The following USF3 variants were observed in gnomAD, a reference collection of about 807,000 sequenced individuals.
USF3 encodes the protein upstream transcription factor family member 3, also known as basic helix-loop-helix domain-containing protein USF3.
Under a neutral mutation model 157.5 loss-of-function variants are expected in USF3, and 29 were observed. The ratio of observed to expected loss-of-function variants is 0.18; its 90% CI spans 0.14 to 0.25. USF3 has a LOEUF of 0.25. USF3 is among the 10% of genes least tolerant of loss of function. The pLI is 1.00. For synonymous variants in USF3, 893 were observed against 941.4 expected, an observed-to-expected ratio of 0.95 and a Z score of 0.94; for missense variants, 2,381 against 2,667.6, an observed-to-expected ratio of 0.89 and a Z score of 2.37.
At chr3:113,662,168 A>C (rs76325115) in intron 6 of USF3, among the ~76,000 whole-genome samples, 2,341 of 152,320 alleles carry the variant, frequency 0.015, 50 homozygotes, top group African/African-American at 0.039. Flanking sequence ...TTATAAATCA[A>C]TTTAGTTTCT....
At chr3:113,680,914 T>C (rs1413902003) in intron 1 of USF3, among the ~76,000 whole-genome samples, 1 of 152,212 alleles carries the variant, frequency 6.6e-6, no homozygotes, top group Admixed American at 6.5e-5. Context: ...TTGAGTTTGG[T>C]TTGATACTGC....
intron 6 of USF3, among the ~76,000 whole-genome samples, chr3:113,662,970 T>A (rs1023827517): frequency 6.6e-6 from 1 of 151,122 alleles, no homozygotes; most frequent in African/African-American, 2.4e-5. Context: ...GCTAAGTAAC[T>A]GACCAAAGGG....
chr3:113,680,053 C>CTTTTT (rs71131103), intron 1 of USF3, among the ~76,000 whole-genome samples: 1,155 of 57,942 alleles, frequency 0.02, 4 homozygotes, highest in African/African-American at 0.021. Context: ...CTGTAGTTTT[C>CTTTTT]TTTTTTTTTT....
chr3:113,669,896 G>C (rs1246470131), intron 5 of USF3, among the ~76,000 whole-genome samples: 1 of 152,180 alleles, frequency 6.6e-6, no homozygotes, highest in Non-Finnish European at 1.5e-5. Flanking sequence ...TAGTAATCAA[G>C]AGAAATCTGA....
At chr3:113,679,702 C>T (rs1707367049) in intron 1 of USF3, among the ~76,000 whole-genome samples, 1 of 152,168 alleles carries the variant, frequency 6.6e-6, no homozygotes, top group African/African-American at 2.4e-5. Context: ...GCATAAGCCA[C>T]CACGCCCAGC....
chr3:113,663,967 A>T (rs781725092), intron 6 of USF3, among the ~76,000 whole-genome samples: 1 of 152,086 alleles, frequency 6.6e-6, no homozygotes, highest in Non-Finnish European at 1.5e-5. Context: ...ACTGAGCAGA[A>T]CTCCCCCCTT....
rs1400889815 is a variant in USF3, at chr3:113,648,883, A to AATAT, written c.*6057_*6060dup. On this transcript the variant is annotated 3_prime_UTR_variant, in exon 7 of 7. Coordinates refer to ENST00000316407, the MANE Select transcript of USF3 (RefSeq NM_001009899.4). ...TTCAACTTTTTTTTACCAAAGTGAA[A>AATAT]ATATATATATATATGTATATATATT... The AATAT allele has an allele frequency of 6.6e-6, 1 of 151,226 alleles. No individual in the cohort carries two copies. The highest frequency in any genetic ancestry group is 2.4e-5 in the African/African-American group (1 of 41,092). 9.4% of individuals were successfully genotyped at this position (151,226 alleles called of 1,614,324 possible).
At position 113,673,310 on chromosome 3, in the gene USF3, C is replaced by CA. The variant is rs773060487; in HGVS notation, c.76+37dup. 19 of 1,479,276 alleles carry CA rather than the reference C, an allele frequency of 1.3e-5. No homozygotes were observed. In the South Asian group the frequency reaches 1.4e-4, roughly 11 times the overall value. The allele number at this position is 1,479,276 out of a possible 1,614,324, so 91.6% of individuals were successfully genotyped here. On this transcript the variant is annotated intron_variant, in intron 4 of 6. Coordinates refer to ENST00000316407, the MANE Select transcript of USF3 (RefSeq NM_001009899.4). ...CTGCAGTATGATTTCATTTTGAATG[C>CA]AAAAAATGCTAACAGGTAAAATTTA...
rs1947292958 is a variant in USF3 at position 113,653,098 on chromosome 3, G to A, written c.*1846C>T. 4.6e-6 allele frequency: 1 copy of A among 215,894 alleles called. No individual in the cohort carries two copies. The highest frequency in any genetic ancestry group is 9.1e-6 in the Non-Finnish European group (1 of 110,470). 13.4% of individuals were successfully genotyped at this position (215,894 alleles called of 1,614,324 possible). On this transcript the variant is annotated 3_prime_UTR_variant, in exon 7 of 7. Coordinates refer to ENST00000316407, the MANE Select transcript of USF3 (RefSeq NM_001009899.4). Reference sequence around the variant, plus strand: ...AAAGAAAAGAAAAGCTGGTCCTTGAGTTCACTTTGTTAACAAGGCAGATAA... The same window carrying A: ...AAAGAAAAGAAAAGCTGGTCCTTGAATTCACTTTGTTAACAAGGCAGATAA...
chr3:113,661,614 C>A (rs1175069033), intron 6 of USF3, among the ~76,000 whole-genome samples, 189 bp from the exon 7 acceptor site: 2 of 152,008 alleles, frequency 1.3e-5, no homozygotes, highest in African/African-American at 4.8e-5. Context: ...AATCCCTATG[C>A]CCTCCTTTAA....
chr3:113,686,048 C>A (rs1262004985), intron 1 of USF3, among the ~76,000 whole-genome samples: 1 of 152,154 alleles, frequency 6.6e-6, no homozygotes. Flanking sequence ...TGGCTCCAAG[C>A]CCAGTGCAGC....
Position 113,658,459 on chromosome 3 carries a change from T to G in USF3, c.3223A>C (p.Asn1075His), listed in dbSNP as rs371318431. 18 of 1,614,120 alleles carry G rather than the reference T, an allele frequency of 1.1e-5. No homozygotes were observed. Among genetic ancestry groups the G allele is most frequent in the Non-Finnish European group, 1.4e-5 (17 of 1,180,008 alleles). ...TGTCTACCGTTGATCAAAGAACCAT[T>G]AATAACCTCTTGATCAGGGAGGCAG... Reference protein sequence around the residue: ...HSCLPDQEVINGSLINGRQAD... With the variant: ...HSCLPDQEVIHGSLINGRQAD... Residue 1075 changes from asparagine to histidine, a missense_variant, in exon 7 of 7, where the codon AAT (asparagine) becomes CAT (histidine). This residue lies in a region of USF3 where 1,435 missense variants were observed against 1,550.9 expected (regional missense o/e 0.93). Transcript: ENST00000316407.
rs998914963 is a variant in USF3 at position 113,696,620 on chromosome 3, G to T, written c.-385C>A. 1 of 150,886 alleles carries T rather than the reference G, an allele frequency of 6.6e-6. No individual in the cohort carries two copies. The highest frequency in any genetic ancestry group is 1.5e-5 in the Non-Finnish European group (1 of 67,692). The allele number at this position is 150,886 out of a possible 1,614,324, so 9.3% of individuals were successfully genotyped here. Reference sequence around the variant, plus strand: ...GAGCCCTCAAGGCCGGAGACCCGGCGGCAGCGCGGCCTCAACTTTCCCAGC... The same window carrying T: ...GAGCCCTCAAGGCCGGAGACCCGGCTGCAGCGCGGCCTCAACTTTCCCAGC... On this transcript the variant is annotated 5_prime_UTR_variant, in exon 1 of 7. Coordinates refer to ENST00000316407, the MANE Select transcript of USF3 (RefSeq NM_001009899.4).
rs776936136 is a variant in USF3, at chr3:113,656,122, T to C, written c.5560A>G (p.Ile1854Val). Residue 1854 changes from isoleucine (I) to valine (V), a missense_variant, in exon 7 of 7, where the codon ATT becomes GTT. Physicochemically the swap from Ile to Val is conservative, Grantham distance 29. Coordinates refer to ENST00000316407, the MANE Select transcript of USF3 (RefSeq NM_001009899.4). The part of the protein sequence containing the change: ...RNTQCGPSSA[I>V]EYNCPPTHEN... ...TGAGTTGGGGGACAATTATATTCAA[T>C]TGCAGAGGATGGACCACACTGTGTA... 1.3e-5 allele frequency: 21 copies of C among 1,614,066 alleles called. No homozygotes were observed. The highest frequency in any genetic ancestry group is 1.1e-5 in the South Asian group (1 of 91,086).
Position 113,655,870 on chromosome 3 carries a change from G to A in USF3, c.5812C>T (p.Pro1938Ser). Residue 1938 changes from proline to serine, a missense_variant, in exon 7 of 7, where the codon CCA (proline) becomes TCA (serine). This residue lies in a region of USF3 where 770 missense variants were observed against 824.2 expected (regional missense o/e 0.93). Transcript: ENST00000316407. ...ACCCCATGCATGTTGGTTGTGACTG[G>A]AGGGTTCATGTGGCCCTTGGTGGCA... is the stretch of plus-strand genomic sequence containing the variant. ...SHATKGHMNP[P>S]VTTNMHGVAR... 6.2e-7 allele frequency: 1 copy of A among 1,614,176 alleles called. No individual in the cohort carries two copies. Among genetic ancestry groups the A allele is most frequent in the Non-Finnish European group, 8.5e-7 (1 of 1,180,030 alleles).
At position 113,658,226 on chromosome 3, in the gene USF3, G is replaced by A; in HGVS notation, c.3456C>T (p.Gly1152=). The A allele has an allele frequency of 6.2e-7, 1 of 1,614,028 alleles. No homozygotes were observed. Among genetic ancestry groups the A allele is most frequent in the South Asian group, 1.1e-5 (1 of 91,082 alleles). The change falls in exon 7 of 7, where the codon GGC becomes GGT. Residue 1152 remains glycine, a synonymous_variant. Coordinates refer to ENST00000316407, the MANE Select transcript of USF3 (RefSeq NM_001009899.4). The part of the protein sequence containing the change: ...DQENLEKGRV[G]LQADIREVAS... ...CAACTTCCCTTATATCAGCCTGGAG[G>A]CCAACTCTCCCCTTCTCAAGGTTCT...
intron 4 of USF3, among the ~76,000 whole-genome samples, chr3:113,670,996 C>T (rs188949430): frequency 5.3e-4 from 80 of 152,246 alleles, no homozygotes; most frequent in African/African-American, 1.9e-3. Context: ...CTGCCCACCT[C>T]AGTCTCCCAA....
At chr3:113,672,130 T>G (rs1388605683) in intron 4 of USF3, among the ~76,000 whole-genome samples, 1 of 150,750 alleles carries the variant, frequency 6.6e-6, no homozygotes, top group Non-Finnish European at 1.5e-5. Context: ...TAAACACATC[T>G]CTTTCTTTTT....
In USF3 at chr3:113,659,298, A is replaced by C; in HGVS notation, c.2384T>G (p.Leu795Trp). The C allele has an allele frequency of 6.2e-7, 1 of 1,614,172 alleles. No homozygotes were observed. The highest frequency in any genetic ancestry group is 1.1e-5 in the South Asian group (1 of 91,088). The change falls in exon 7 of 7, where the codon TTG becomes TGG. Residue 795 changes from leucine (L) to tryptophan (W), a missense_variant. By Grantham distance (61) the Leu-to-Trp change is moderately conservative. This residue lies in a region of USF3 where 1,435 missense variants were observed against 1,550.9 expected (regional missense o/e 0.93). Coordinates refer to ENST00000316407, the MANE Select transcript of USF3 (RefSeq NM_001009899.4). ...TTTCCTGCCACCTGGCTTCTTATTC[A>C]ACCTTTTAGATTTCATGTTAGGCAA... Reference protein sequence around the residue: ...ACLPNMKSKRLNKKPGGRKHL... With the variant: ...ACLPNMKSKRWNKKPGGRKHL...
Sources: allele counts gnomAD v4.1 joint callset (sites outside exome capture counted in the v4.1 genomes callset), GRCh38; gene constraint gnomAD v4.1.1; regional missense constraint gnomAD v4.1.1; transcripts MANE v1.5; gene names NCBI Gene and HGNC (gene_info 2026-07-23, HGNC 2026-07-21).